The following CERS6 variants were observed in gnomAD, a reference collection of about 807,000 sequenced individuals.
The protein encoded by CERS6 is ceramide synthase 6.
CERS6 carries 26 observed loss-of-function variants against 56.8 expected under a neutral mutation model. That is an observed-to-expected ratio of 0.46 (90% CI 0.34 to 0.63). The LOEUF is 0.63. Ranked by LOEUF, CERS6 falls within the 30% of genes least tolerant of loss-of-function variation. CERS6 has a pLI of 0.01. For synonymous variants in CERS6, 164 were observed against 173.3 expected (o/e 0.95, Z 0.42); for missense variants, 415 against 467.5 (o/e 0.89, Z 1.04).
chr2:168,750,838 T>A (rs1684245230), intron 8 of CERS6, among the ~76,000 whole-genome samples: 1 of 152,220 alleles, frequency 6.6e-6, no homozygotes, highest in African/African-American at 2.4e-5. Context: ...AAATAGAGTG[T>A]GCCAATTTAT....
At chr2:168,679,937 A>G (rs541763841) in intron 4 of CERS6, among the ~76,000 whole-genome samples, 103 of 152,346 alleles carry the variant, frequency 6.8e-4, no homozygotes, top group African/African-American at 2.4e-3. Context: ...TTAAACGTTG[A>G]TGACTGATTA....
chr2:168,462,995 G>A (rs1220548071), intron 1 of CERS6, among the ~76,000 whole-genome samples: 1 of 152,126 alleles, frequency 6.6e-6, no homozygotes, highest in East Asian at 1.9e-4. Context: ...TTAAAATTTT[G>A]AAAACAATAG....
intron 4 of CERS6, among the ~76,000 whole-genome samples, chr2:168,672,886 C>T (rs2105341203): frequency 6.6e-6 from 1 of 152,284 alleles, no homozygotes. Flanking sequence ...TGATTAAAAT[C>T]AGAAACTGAT....
intron 4 of CERS6, among the ~76,000 whole-genome samples, chr2:168,658,438 T>C (rs1685547224): frequency 6.6e-6 from 1 of 152,180 alleles, no homozygotes; most frequent in Admixed American, 6.5e-5. Flanking sequence ...TCTCTTTAGA[T>C]TGTAGGTGAT....
chr2:168,595,110 T>C (rs1301507470), intron 3 of CERS6, among the ~76,000 whole-genome samples: 2 of 152,202 alleles, frequency 1.3e-5, no homozygotes, highest in Non-Finnish European at 2.9e-5. Flanking sequence ...AGTTTAGCCC[T>C]CTGTCTTGAA....
At chr2:168,466,569 A>G (rs1693884758) in intron 1 of CERS6, among the ~76,000 whole-genome samples, 1 of 152,264 alleles carries the variant, frequency 6.6e-6, no homozygotes, top group African/African-American at 2.4e-5. Flanking sequence ...AGTCAGGTAC[A>G]TATTATTCAA....
intron 1 of CERS6, among the ~76,000 whole-genome samples, chr2:168,492,241 G>A (rs912106526): frequency 8.5e-5 from 13 of 152,280 alleles, no homozygotes; most frequent in East Asian, 1.9e-4. Flanking sequence ...CACCAACAGC[G>A]TAAAAGCATT....
intron 6 of CERS6, among the ~76,000 whole-genome samples, chr2:168,714,723 A>G (rs1168493853): frequency 6.6e-6 from 1 of 152,190 alleles, no homozygotes; most frequent in African/African-American, 2.4e-5. Context: ...CCATATGATG[A>G]CACAGCTAGA....
intron 3 of CERS6, among the ~76,000 whole-genome samples, chr2:168,574,656 C>T (rs927360378): frequency 6.6e-6 from 1 of 152,226 alleles, no homozygotes; most frequent in Middle Eastern, 3.4e-3. Context: ...TTGCCAAACA[C>T]ATAGTCAGAG....
intron 4 of CERS6, among the ~76,000 whole-genome samples, chr2:168,668,029 G>A (rs1559043953): frequency 6.6e-6 from 1 of 152,182 alleles, no homozygotes; most frequent in Non-Finnish European, 1.5e-5. Flanking sequence ...AGGGCAGATC[G>A]TAAGTTGTAA....
At chr2:168,701,654 C>T (rs556985090) in intron 6 of CERS6, among the ~76,000 whole-genome samples, 1 of 152,202 alleles carries the variant, frequency 6.6e-6, no homozygotes, top group African/African-American at 2.4e-5. Context: ...TCCAGGACCA[C>T]CAACCCCCGC....
intron 1 of CERS6, among the ~76,000 whole-genome samples, chr2:168,466,205 A>G (rs1264593191): frequency 1.3e-5 from 2 of 152,156 alleles, no homozygotes; most frequent in African/African-American, 2.4e-5. Flanking sequence ...ATTTGTTAAT[A>G]TGACAACTTA....
chr2:168,519,529 C>T (rs759142855), intron 1 of CERS6, among the ~76,000 whole-genome samples: 6 of 152,096 alleles, frequency 3.9e-5, no homozygotes, highest in Non-Finnish European at 7.4e-5. Flanking sequence ...TCCTCCCCAC[C>T]TTCCCCTTTT....
At chr2:168,579,646 T>G (rs899874901) in intron 3 of CERS6, among the ~76,000 whole-genome samples, 3 of 152,112 alleles carry the variant, frequency 2.0e-5, no homozygotes, top group African/African-American at 7.2e-5. Flanking sequence ...ACCCCAACCC[T>G]TGCCTGGCAC....
chr2:168,502,554 G>A (rs1291947049), intron 1 of CERS6, among the ~76,000 whole-genome samples: 1 of 152,138 alleles, frequency 6.6e-6, no homozygotes, highest in Non-Finnish European at 1.5e-5. Flanking sequence ...ATATTGGCTA[G>A]GGCTCAAGGA....
Position 168,772,011 on chromosome 2 carries a change from T to C in CERS6, c.*2349T>C, listed in dbSNP as rs1684873193. ...TTAGGGCACAGTTCTTTGGGGCTAATTAAAATGGGGTTTGCAGGCTTTTTA... is the reference window on the plus strand; with the variant it reads ...TTAGGGCACAGTTCTTTGGGGCTAACTAAAATGGGGTTTGCAGGCTTTTTA... On this transcript the variant is annotated 3_prime_UTR_variant, in exon 10 of 10. Coordinates refer to ENST00000305747, the MANE Select transcript of CERS6 (RefSeq NM_203463.3). The C allele has an allele frequency of 6.6e-6, 1 of 152,206 alleles. No homozygotes were observed. Among genetic ancestry groups the C allele is most frequent in the African/African-American group, 2.4e-5 (1 of 41,456 alleles). The allele number at this position is 152,206 out of a possible 1,614,324, so 9.4% of individuals were successfully genotyped here.
chr2:168,727,346 T>A (rs531260286), intron 8 of CERS6, among the ~76,000 whole-genome samples: 31 of 152,182 alleles, frequency 2.0e-4, no homozygotes, highest in African/African-American at 7.5e-4. Flanking sequence ...GTCAAGAGTT[T>A]GAGACCAGCC....
intron 4 of CERS6, among the ~76,000 whole-genome samples, chr2:168,642,768 T>C (rs1309258258): frequency 1.3e-5 from 2 of 152,212 alleles, no homozygotes; most frequent in African/African-American, 4.8e-5. Context: ...GGAGCATTAA[T>C]TGATAATATT....
intron 3 of CERS6, among the ~76,000 whole-genome samples, chr2:168,602,320 A>G (rs1357192694): frequency 6.6e-6 from 1 of 152,256 alleles, no homozygotes; most frequent in Non-Finnish European, 1.5e-5. Context: ...ATAAAGATAC[A>G]TGAAATATTT....
Sources: allele counts gnomAD v4.1 joint callset (sites outside exome capture counted in the v4.1 genomes callset), GRCh38; gene constraint gnomAD v4.1.1; transcripts MANE v1.5; gene names NCBI Gene and HGNC (gene_info 2026-07-23, HGNC 2026-07-21).